Variants in ZNHIT6 observed in about 807,000 individuals in gnomAD.
ZNHIT6 encodes the protein box C/D snoRNA protein 1.
In ZNHIT6, 45 loss-of-function variants were observed where a neutral mutation model predicts 57.2. That is an observed-to-expected ratio of 0.79 (90% CI 0.62 to 1.01). ZNHIT6 has a LOEUF of 1.01. Ranked by LOEUF, ZNHIT6 falls within the 50% of genes least tolerant of loss-of-function variation. ZNHIT6 has a pLI of 0.00. For missense variants in ZNHIT6, 528 were observed against 567.3 expected (o/e 0.93, Z 0.70); for synonymous variants, 188 against 190.0 (o/e 0.99, Z 0.09).
At chr1:85,673,852 T>TA (rs1294323074) in intron 8 of ZNHIT6, among the ~76,000 whole-genome samples, 1 of 152,180 alleles carries the variant, frequency 6.6e-6, no homozygotes, top group Non-Finnish European at 1.5e-5. Flanking sequence ...CATTATGTTT[T>TA]AAAAATCTGA....
chr1:85,669,397 C>T (rs1661488383), intron 8 of ZNHIT6, among the ~76,000 whole-genome samples: 1 of 152,058 alleles, frequency 6.6e-6, no homozygotes, highest in Non-Finnish European at 1.5e-5. Context: ...GTAAAATAGC[C>T]TTAGTTTTTA....
At chr1:85,671,115 A>T (rs1053350036) in intron 8 of ZNHIT6, among the ~76,000 whole-genome samples, 1 of 152,212 alleles carries the variant, frequency 6.6e-6, no homozygotes, top group Non-Finnish European at 1.5e-5. Flanking sequence ...TAGATTTGGG[A>T]GTAATTTCTA....
At chr1:85,666,981 C>A (rs1040497565) in intron 8 of ZNHIT6, among the ~76,000 whole-genome samples, 55 of 152,140 alleles carry the variant, frequency 3.6e-4, no homozygotes, top group African/African-American at 1.3e-3. Flanking sequence ...TGAACACATA[C>A]TCATCTTGAC....
chr1:85,701,996 A>C (rs938898239), intron 5 of ZNHIT6, among the ~76,000 whole-genome samples, 161 bp downstream of exon 5: 1 of 152,116 alleles, frequency 6.6e-6, no homozygotes, highest in Non-Finnish European at 1.5e-5. Context: ...TTTTTATTAG[A>C]GTTACATGAC....
chr1:85,672,452 C>T (rs983255938), intron 8 of ZNHIT6, among the ~76,000 whole-genome samples: 2 of 152,188 alleles, frequency 1.3e-5, no homozygotes. Context: ...AAATCACTTA[C>T]TTGCCTTGTT....
intron 8 of ZNHIT6, among the ~76,000 whole-genome samples, chr1:85,676,226 C>A (rs1661698433): frequency 2.6e-5 from 4 of 151,528 alleles, no homozygotes; most frequent in African/African-American, 7.3e-5. Flanking sequence ...ATCCCAGCTA[C>A]TCAAGAGACT....
chr1:85,674,614 T>A (rs1661652185), intron 8 of ZNHIT6, among the ~76,000 whole-genome samples: 2 of 152,242 alleles, frequency 1.3e-5, no homozygotes, highest in South Asian at 4.1e-4. Context: ...ATAATTTACA[T>A]TGTTTCCTTG....
At position 85,698,815 on chromosome 1, in the gene ZNHIT6, T is replaced by C. The variant is rs1045277235; in HGVS notation, c.1019+3342A>G. Among the ~76,000 whole-genome samples, 6 of 152,254 alleles carry C rather than the reference T, an allele frequency of 3.9e-5. No individual in the cohort carries two copies. In the South Asian group the frequency reaches 6.2e-4, roughly 16 times the overall value. On this transcript the variant is annotated intron_variant, in intron 5 of 9. Transcript: ENST00000370574. The stretch of plus-strand genomic sequence containing the variant: ...TTTATAGGTTTCACTGCACAAATAG[T>C]ACTGTTTGATTACACAGTGCTATCC...
rs760208815 is a variant in ZNHIT6, at chr1:85,706,274, C to A, written c.804G>T (p.Gln268His). ...RDKTAYISIQ[Q>H]FTEMNLLSDY... Reference sequence around the variant, plus strand: ...CACTTAGGAGATTCATTTCAGTAAACTGTTGTATTGAAATGTATGCAGTTT... The same window carrying A: ...CACTTAGGAGATTCATTTCAGTAAAATGTTGTATTGAAATGTATGCAGTTT... The change falls in exon 3 of 10, where the codon CAG (glutamine) becomes CAT (histidine). Residue 268 changes from glutamine (Q) to histidine (H), a missense_variant. Physicochemically the swap from Gln to His is conservative, Grantham distance 24. Transcript: ENST00000370574. 1.2e-6 allele frequency: 2 copies of A among 1,611,742 alleles called. No individual in the cohort carries two copies. Among genetic ancestry groups the A allele is most frequent in the East Asian group, 4.5e-5 (2 of 44,810 alleles).
intron 8 of ZNHIT6, among the ~76,000 whole-genome samples, chr1:85,667,401 T>C (rs1410936471): frequency 6.6e-6 from 1 of 152,128 alleles, no homozygotes; most frequent in African/African-American, 2.4e-5. Context: ...TGGGAAAACT[T>C]ATTCAGGGCC....
chr1:85,668,759 A>G (rs996611847), intron 8 of ZNHIT6, among the ~76,000 whole-genome samples: 1 of 152,200 alleles, frequency 6.6e-6, no homozygotes, highest in South Asian at 2.1e-4. Flanking sequence ...CTAATCTTTA[A>G]GGAGGTAAAA....
At chr1:85,677,415 C>A in intron 7 of ZNHIT6, 102 bp from the exon 8 acceptor site, 2 of 807,110 alleles carry the variant, frequency 2.5e-6, no homozygotes, top group South Asian at 3.2e-5. Flanking sequence ...CTTAAAAGTT[C>A]ATGTATTTAA....
chr1:85,683,107 C>T (rs1253925810), intron 5 of ZNHIT6, among the ~76,000 whole-genome samples: 4 of 152,164 alleles, frequency 2.6e-5, no homozygotes, highest in Non-Finnish European at 5.9e-5. Context: ...GTCCCAGCTA[C>T]TCTGGAGGTT....
At position 85,650,595 on chromosome 1, in the gene ZNHIT6, A is replaced by G. The variant is rs991175391; in HGVS notation, c.*3463T>C. Reference sequence around the variant, plus strand: ...CTAAGACTGGGTAACTTATTTTTAAAAAGAGTTTTATTTGGCTCATGATTC... The same window carrying G: ...CTAAGACTGGGTAACTTATTTTTAAGAAGAGTTTTATTTGGCTCATGATTC... On this transcript the variant is annotated 3_prime_UTR_variant, in exon 10 of 10. Transcript: ENST00000370574. 6.6e-6 allele frequency: 1 copy of G among 152,172 alleles called. No individual in the cohort carries two copies. The highest frequency in any genetic ancestry group is 2.4e-5 in the African/African-American group (1 of 41,452). 9.4% of individuals were successfully genotyped at this position (152,172 alleles called of 1,614,324 possible).
At chr1:85,700,465 AC>A (rs1281722962) in intron 5 of ZNHIT6, among the ~76,000 whole-genome samples, 2 of 152,202 alleles carry the variant, frequency 1.3e-5, no homozygotes, top group Admixed American at 1.3e-4. Context: ...CATTTCAGAG[AC>A]CCGGGGAGTT....
At chr1:85,705,976 C>T (rs1351192278) in intron 4 of ZNHIT6, 102 bp downstream of exon 4, 10 of 955,528 alleles carry the variant, frequency 1.0e-5, no homozygotes, top group Non-Finnish European at 1.4e-5. Context: ...AATAGCTCTA[C>T]ATCATGGTAG....
At chr1:85,670,077 T>A in intron 8 of ZNHIT6, among the ~76,000 whole-genome samples, 1 of 152,072 alleles carries the variant, frequency 6.6e-6, no homozygotes, top group Non-Finnish European at 1.5e-5. Flanking sequence ...ATCTTCTCTC[T>A]CTCTCTTCAT....
intron 8 of ZNHIT6, among the ~76,000 whole-genome samples, chr1:85,668,588 C>T (rs1341206512): frequency 6.6e-6 from 1 of 152,150 alleles, no homozygotes; most frequent in East Asian, 1.9e-4. Flanking sequence ...CTTAATTCTG[C>T]ACTATTCTCA....
intron 9 of ZNHIT6, 60 bp from the exon 10 acceptor site, chr1:85,654,158 T>C: frequency 6.8e-7 from 1 of 1,467,772 alleles, no homozygotes; most frequent in Admixed American, 1.9e-5. Flanking sequence ...TAGGTTGCTC[T>C]GTCCCTCTTC....
Sources: gnomAD v4.1 joint callset for allele counts (sites outside exome capture counted in the v4.1 genomes callset) on GRCh38, gnomAD v4.1.1 for gene constraint, MANE v1.5 for transcripts, NCBI Gene and HGNC (gene_info 2026-07-23, HGNC 2026-07-21) for gene names.